The following KIAA1217 variants were observed in gnomAD, a reference collection of about 807,000 sequenced individuals.
KIAA1217 encodes the protein KIAA1217.
KIAA1217 carries 88 observed loss-of-function variants against 163.9 expected under a neutral mutation model. The ratio of observed to expected loss-of-function variants is 0.54; its 90% CI spans 0.45 to 0.64. The LOEUF (loss-of-function observed/expected upper bound fraction) is 0.64. Among genes scored for constraint, KIAA1217 ranks in the 30% least tolerant of loss-of-function variants. The pLI, the probability that KIAA1217 is intolerant of heterozygous loss-of-function variation, is 0.00. For missense variants in KIAA1217, 2,372 were observed against 2,475.0 expected (o/e 0.96, Z 0.88); for synonymous variants, 903 against 923.1 (o/e 0.98, Z 0.39).
In KIAA1217 at chr10:23,831,193, A is replaced by G. The variant is rs111404656; in HGVS notation, c.-321+135959A>G. Among the ~76,000 whole-genome samples the G allele has an allele frequency of 5.2e-3, 789 of 152,262 alleles. 11 individuals are homozygous for G. Among genetic ancestry groups the G allele is most frequent in the African/African-American group, 0.017 (712 of 41,530 alleles). On this transcript the variant is annotated intron_variant, in intron 1 of 18. Coordinates refer to the KIAA1217 transcript ENST00000376462. The stretch of plus-strand genomic sequence containing the variant: ...AAGAGTTCAAACAGGGGAAATTGAC[A>G]TAGACAATGATTTTGTGGATATGAA...
intron 2 of KIAA1217, among the ~76,000 whole-genome samples, chr10:24,027,245 C>T (rs986091625): frequency 6.6e-6 from 1 of 152,080 alleles, no homozygotes; most frequent in Non-Finnish European, 1.5e-5. Context: ...GGTGTCCCCT[C>T]CCTGCACTAT....
chr10:24,373,453 A>G (rs1003975314), intron 2 of KIAA1217, among the ~76,000 whole-genome samples: 3 of 152,120 alleles, frequency 2.0e-5, no homozygotes, highest in Non-Finnish European at 2.9e-5. Context: ...CCTCTGTAGC[A>G]TGGGGATACC....
chr10:23,706,808 A>G (rs115103315), intron 1 of KIAA1217, among the ~76,000 whole-genome samples: 1 of 152,002 alleles, frequency 6.6e-6, no homozygotes, highest in Non-Finnish European at 1.5e-5. Context: ...CACTTTTGGG[A>G]CATGTAAGAT....
At chr10:24,098,974 C>A (rs1322580705) in intron 2 of KIAA1217, among the ~76,000 whole-genome samples, 1 of 151,904 alleles carries the variant, frequency 6.6e-6, no homozygotes, top group African/African-American at 2.4e-5. Context: ...ACAGAGGGTT[C>A]AAGTTCAAGA....
intron 2 of KIAA1217, among the ~76,000 whole-genome samples, chr10:24,065,837 G>A (rs1010431795): frequency 6.6e-6 from 1 of 152,196 alleles, no homozygotes; most frequent in African/African-American, 2.4e-5. Flanking sequence ...TGTATTGGGT[G>A]CATATATATT....
chr10:24,392,830 G>T (rs1344590946), intron 3 of KIAA1217, among the ~76,000 whole-genome samples: 2 of 152,270 alleles, frequency 1.3e-5, no homozygotes, highest in Admixed American at 6.5e-5. Context: ...TGAGGAAAAA[G>T]ATTTTGTTTA....
chr10:24,507,438 T>G (rs1174866541), intron 9 of KIAA1217, among the ~76,000 whole-genome samples: 1 of 152,026 alleles, frequency 6.6e-6, no homozygotes, highest in Admixed American at 6.6e-5. Flanking sequence ...AAGGAAGACA[T>G]GAACATAATG....
intron 2 of KIAA1217, among the ~76,000 whole-genome samples, chr10:24,268,176 G>T (rs531711572): frequency 6.6e-6 from 1 of 152,180 alleles, no homozygotes; most frequent in African/African-American, 2.4e-5. Flanking sequence ...GGCTAGAAAG[G>T]TCAGGTCGCC....
At chr10:23,698,223 G>A (rs1484984405) in intron 1 of KIAA1217, among the ~76,000 whole-genome samples, 2 of 152,128 alleles carry the variant, frequency 1.3e-5, no homozygotes, top group Non-Finnish European at 2.9e-5. Context: ...TTTGTAATTT[G>A]TGAATAGGAA....
intron 6 of KIAA1217, among the ~76,000 whole-genome samples, chr10:24,494,116 G>A (rs902891390): frequency 6.6e-6 from 1 of 152,206 alleles, no homozygotes; most frequent in African/African-American, 2.4e-5. Context: ...GCATAGAAAT[G>A]TGTGCAGCTA....
At chr10:24,352,529 C>G (rs979777862) in intron 2 of KIAA1217, among the ~76,000 whole-genome samples, 1 of 152,094 alleles carries the variant, frequency 6.6e-6, no homozygotes, top group Non-Finnish European at 1.5e-5. Context: ...GTTAACCAAT[C>G]AAATGTTCCA....
At chr10:24,004,352 A>T (rs1020604683) in intron 1 of KIAA1217, among the ~76,000 whole-genome samples, 3 of 151,666 alleles carry the variant, frequency 2.0e-5, no homozygotes, top group Non-Finnish European at 4.4e-5. Flanking sequence ...ATCTTTTTTT[A>T]AAAAAACCCA....
In KIAA1217 at chr10:24,245,818, G is replaced by A. The variant is rs564121382; in HGVS notation, c.354+25909G>A. On this transcript the variant is annotated intron_variant, in intron 2 of 20. Transcript: ENST00000376454. Reference sequence around the variant, plus strand: ...ACTAATTTTTTTTTTTTTTCTTTTAGGTAGAGCCAGGGTCTCACTTTGTTA... The same window carrying A: ...ACTAATTTTTTTTTTTTTTCTTTTAAGTAGAGCCAGGGTCTCACTTTGTTA... Among the ~76,000 whole-genome samples, 12 of 150,642 alleles carry A rather than the reference G, an allele frequency of 8.0e-5. No homozygotes were observed. The East Asian group carries it at 2.3e-3, about 29-fold the overall frequency.
At chr10:24,351,586 G>C (rs1027134738) in intron 2 of KIAA1217, among the ~76,000 whole-genome samples, 3 of 152,130 alleles carry the variant, frequency 2.0e-5, no homozygotes, top group African/African-American at 2.4e-5. Context: ...CTTGGGTTGA[G>C]GCAGAACTCA....
intron 2 of KIAA1217, among the ~76,000 whole-genome samples, chr10:24,124,811 A>T (rs1197748507): frequency 6.6e-6 from 1 of 152,194 alleles, no homozygotes; most frequent in Non-Finnish European, 1.5e-5. Context: ...TATCCGTTCT[A>T]AATTTAGTTT....
At chr10:23,978,702 A>G (rs1845642241) in intron 1 of KIAA1217, among the ~76,000 whole-genome samples, 1 of 152,196 alleles carries the variant, frequency 6.6e-6, no homozygotes, top group African/African-American at 2.4e-5. Context: ...CATGAGCTAC[A>G]CTGCAAATAC....
intron 2 of KIAA1217, among the ~76,000 whole-genome samples, chr10:24,199,828 A>G (rs1451042865): frequency 6.6e-6 from 1 of 152,202 alleles, no homozygotes; most frequent in Non-Finnish European, 1.5e-5. Flanking sequence ...AAATAGACAT[A>G]CTAATAACCT....
At chr10:23,712,306 A>G (rs1837309025) in intron 1 of KIAA1217, among the ~76,000 whole-genome samples, 1 of 151,964 alleles carries the variant, frequency 6.6e-6, no homozygotes, top group South Asian at 2.1e-4. Context: ...CTCACCAATA[A>G]CTTAGAGTTT....
intron 1 of KIAA1217, among the ~76,000 whole-genome samples, chr10:23,773,322 A>T (rs1834874676): frequency 6.6e-6 from 1 of 151,548 alleles, no homozygotes; most frequent in East Asian, 1.9e-4. Flanking sequence ...ATTGATCTAT[A>T]TCTCTGTTTT....
Sources: gnomAD v4.1 joint callset for allele counts (sites outside exome capture counted in the v4.1 genomes callset) on GRCh38, gnomAD v4.1.1 for gene constraint, MANE v1.5 for transcripts, NCBI Gene and HGNC (gene_info 2026-07-23, HGNC 2026-07-21) for gene names.